Variants in FOXP1 observed in about 807,000 individuals in gnomAD.
FOXP1 encodes forkhead box protein P1.
Under a neutral mutation model 98.2 loss-of-function variants are expected in FOXP1, and 15 were observed. The ratio of observed to expected loss-of-function variants is 0.15; its 90% CI spans 0.10 to 0.24. The LOEUF (loss-of-function observed/expected upper bound fraction) is 0.24, where lower values mean the gene tolerates loss of function less well. Ranked by LOEUF, FOXP1 falls within the 10% of genes least tolerant of loss-of-function variation. The probability of loss-of-function intolerance (pLI) is 1.00; values close to 1 mark genes in which losing one functional copy is unlikely to be tolerated. For synonymous variants in FOXP1, 371 were observed against 314.5 expected, an observed-to-expected ratio of 1.18 and a Z score of -1.90; for missense variants, 633 against 848.5, an observed-to-expected ratio of 0.75 and a Z score of 3.15.
chr3:71,216,535 C>T (rs529920905), intron 5 of FOXP1, among the ~76,000 whole-genome samples: 40 of 152,292 alleles, frequency 2.6e-4, no homozygotes, highest in Admixed American at 1.0e-3. Flanking sequence ...CCGCATGATA[C>T]TGACCATCAG....
intron 3 of FOXP1, among the ~76,000 whole-genome samples, chr3:71,469,229 C>T (rs2089084100): frequency 6.6e-6 from 1 of 152,122 alleles, no homozygotes; most frequent in Non-Finnish European, 1.5e-5. Flanking sequence ...TGACTTTATA[C>T]TGCATTTGTG....
intron 6 of FOXP1, chr3:71,130,778 A>G (rs2059526503): frequency 1.4e-6 from 2 of 1,437,336 alleles, no homozygotes; most frequent in Non-Finnish European, 1.8e-6. Context: ...TCCTCAAGTA[A>G]TTCTTCACTT....
At chr3:71,097,602 A>G (rs1446684589) in intron 7 of FOXP1, among the ~76,000 whole-genome samples, 1 of 152,232 alleles carries the variant, frequency 6.6e-6, no homozygotes, top group Non-Finnish European at 1.5e-5. Flanking sequence ...AGGAAGGTCA[A>G]CTTCATTACC....
chr3:71,516,168 T>G (rs1359598220), intron 2 of FOXP1, among the ~76,000 whole-genome samples: 2 of 152,218 alleles, frequency 1.3e-5, no homozygotes, highest in Non-Finnish European at 2.9e-5. Flanking sequence ...ATTAATGTAC[T>G]GCAGTTACGT....
chr3:71,015,274 C>A (rs1050520325), intron 12 of FOXP1, among the ~76,000 whole-genome samples: 3 of 152,044 alleles, frequency 2.0e-5, no homozygotes, highest in African/African-American at 7.2e-5. Flanking sequence ...ATACTGGAAT[C>A]GTTTTTTTTA....
chr3:70,959,227 G>GGGTT lies in FOXP1; in HGVS notation c.*16_*19dup. The GGGTT allele has an allele frequency of 1.1e-5, 17 of 1,612,598 alleles. No homozygotes were observed. The highest frequency in any genetic ancestry group is 1.4e-5 in the Non-Finnish European group (17 of 1,179,324). On this transcript the variant is annotated 3_prime_UTR_variant, in exon 21 of 21. Coordinates refer to ENST00000649528, the MANE Select transcript of FOXP1 (RefSeq NM_001349338.3). ...TTCCTTTTTCCAATCTTCATTCTCG[G>GGGTT]GGTTGGCCCGCCCCGATAGTCACTC...
intron 3 of FOXP1, among the ~76,000 whole-genome samples, chr3:71,465,913 C>T (rs1560524476): frequency 1.3e-5 from 2 of 152,152 alleles, no homozygotes; most frequent in Non-Finnish European, 2.9e-5. Flanking sequence ...CTAGGTTGTG[C>T]ACTCCTTATG....
At chr3:71,064,619 C>CCCTCCACTCCCTCCCCG (rs1457263935) in intron 7 of FOXP1, among the ~76,000 whole-genome samples, 38 of 147,822 alleles carry the variant, frequency 2.6e-4, no homozygotes, top group African/African-American at 7.5e-4. Flanking sequence ...TTTTTCTTGC[C>CCCTCCACTCCCTCCCCG]CCTCCACTCC....
intron 4 of FOXP1, among the ~76,000 whole-genome samples, chr3:71,317,475 G>GA (rs1244144210): frequency 6.6e-4 from 96 of 145,580 alleles, no homozygotes; most frequent in Admixed American, 1.2e-3. Flanking sequence ...GGCCCCACTG[G>GA]AAAAAAAAAA....
intron 11 of FOXP1, among the ~76,000 whole-genome samples, chr3:71,025,741 T>C (rs563058876): frequency 6.6e-6 from 1 of 152,332 alleles, no homozygotes; most frequent in South Asian, 2.1e-4. Flanking sequence ...TGTTGGGTGA[T>C]ATGGTCAGTG....
chr3:71,239,519 G>T lies in FOXP1; in HGVS notation c.-11-41127C>A, dbSNP rs184746441. 8.4e-3 allele frequency among the ~76,000 whole-genome samples: 1,283 copies of T among 152,118 alleles called. 21 individuals carry two copies. The highest frequency in any genetic ancestry group is 0.029 in the African/African-American group (1,218 of 41,472). On this transcript the variant is annotated intron_variant, in intron 5 of 20. Transcript: ENST00000649528. The stretch of plus-strand genomic sequence containing the variant: ...AGATCACGCCACTGCATTCCAGCCT[G>T]GGCAACAGAGCAAGACTCCTTCTCA...
intron 17 of FOXP1, 129 bp from the exon 18 acceptor site, chr3:70,972,805 G>C: frequency 1.2e-6 from 1 of 857,256 alleles, no homozygotes; most frequent in Non-Finnish European, 1.8e-6. Context: ...CCACCCCCGT[G>C]GAGGACCTTC....
At chr3:71,110,539 G>T (rs1294245275) in intron 7 of FOXP1, among the ~76,000 whole-genome samples, 3 of 152,182 alleles carry the variant, frequency 2.0e-5, no homozygotes, top group Admixed American at 2.0e-4. Context: ...ATCACTGAGT[G>T]ACAGGCTGGG....
intron 2 of FOXP1, among the ~76,000 whole-genome samples, chr3:71,541,584 C>G (rs2044819544): frequency 1.3e-5 from 2 of 152,240 alleles, no homozygotes; most frequent in Non-Finnish European, 2.9e-5. Flanking sequence ...GCATGCTACT[C>G]TAGCTGCACA....
chr3:71,015,481 G>A, intron 12 of FOXP1, 68 bp downstream of exon 12: 1 of 1,105,212 alleles, frequency 9.0e-7, no homozygotes, highest in East Asian at 2.5e-5. Context: ...GGCATTTTAT[G>A]AGCAAAGCAT....
intron 3 of FOXP1, among the ~76,000 whole-genome samples, chr3:71,359,500 A>ACATC (rs2078401800): frequency 6.6e-6 from 1 of 152,182 alleles, no homozygotes; most frequent in Non-Finnish European, 1.5e-5. Context: ...GAAGGCACTG[A>ACATC]CATCCACTTA....
intron 2 of FOXP1, among the ~76,000 whole-genome samples, chr3:71,555,194 C>A (rs1158382545): frequency 6.6e-6 from 1 of 152,208 alleles, no homozygotes; most frequent in Non-Finnish European, 1.5e-5. Flanking sequence ...TGCAGCGGGA[C>A]TTCTCAGCCT....
At chr3:71,424,559 T>C (rs759582231) in intron 3 of FOXP1, among the ~76,000 whole-genome samples, 2 of 151,998 alleles carry the variant, frequency 1.3e-5, no homozygotes, top group Admixed American at 1.3e-4. Flanking sequence ...GGGACCACCA[T>C]GCCTAAGAAT....
chr3:71,273,832 G>A (rs1218868495), intron 5 of FOXP1, among the ~76,000 whole-genome samples: 1 of 152,184 alleles, frequency 6.6e-6, no homozygotes, highest in African/African-American at 2.4e-5. Context: ...TCCTTGAAAG[G>A]TCTGGTCGTG....
Sources: allele counts gnomAD v4.1 joint callset (sites outside exome capture counted in the v4.1 genomes callset), GRCh38; gene constraint gnomAD v4.1.1; transcripts MANE v1.5; gene names NCBI Gene and HGNC (gene_info 2026-07-23, HGNC 2026-07-21).